Variants in SPTBN1 observed in about 807,000 individuals in gnomAD.
SPTBN1 encodes the protein spectrin beta, non-erythrocytic 1, also known as spectrin beta chain, non-erythrocytic 1.
Under a neutral mutation model 266.4 loss-of-function variants are expected in SPTBN1, and 32 were observed. The observed-to-expected ratio is 0.12, with a 90% CI of 0.09 to 0.16. The LOEUF (loss-of-function observed/expected upper bound fraction) is 0.16, where lower values mean the gene tolerates loss of function less well. Among genes scored for constraint, SPTBN1 ranks in the 10% least tolerant of loss-of-function variants. SPTBN1 has a pLI of 1.00. For missense variants in SPTBN1, 2,296 were observed against 3,067.1 expected (o/e 0.75, Z 5.94); for synonymous variants, 1,336 against 1,162.2 (o/e 1.15, Z -3.04).
chr2:54,612,037 T>G, intron 3 of SPTBN1, 124 bp from the exon 4 acceptor site: 6 of 965,636 alleles, frequency 6.2e-6, no homozygotes, highest in Non-Finnish European at 9.1e-6. Context: ...TACATGTGTT[T>G]GTTAATGTTC....
At chr2:54,575,277 A>G (rs1229267548) in intron 2 of SPTBN1, among the ~76,000 whole-genome samples, 1 of 152,236 alleles carries the variant, frequency 6.6e-6, no homozygotes, top group African/African-American at 2.4e-5. Context: ...GCTGAAAGAA[A>G]CCAGTCAGGT....
chr2:54,481,419 TG>T (rs770386892), intron 1 of SPTBN1, among the ~76,000 whole-genome samples: 104 of 133,096 alleles, frequency 7.8e-4, no homozygotes, highest in Middle Eastern at 3.9e-3. Flanking sequence ...TGTGTGTGTG[TG>T]TGTGTGTGTG....
intron 2 of SPTBN1, among the ~76,000 whole-genome samples, chr2:54,585,815 G>A (rs1176634170): frequency 1.3e-5 from 2 of 152,272 alleles, no homozygotes; most frequent in African/African-American, 2.4e-5. Flanking sequence ...AATGACAGGC[G>A]ACCTTTATGG....
At chr2:54,582,213 TC>T (rs1300838005) in intron 2 of SPTBN1, among the ~76,000 whole-genome samples, 1 of 152,088 alleles carries the variant, frequency 6.6e-6, no homozygotes, top group Non-Finnish European at 1.5e-5. Context: ...GCTTCCAGGG[TC>T]TAAGAAAGCA....
At chr2:54,663,906 CAATGTGTT>C (rs1681206358) in intron 32 of SPTBN1, 1 of 152,224 alleles carries the variant, frequency 6.6e-6, no homozygotes, top group Admixed American at 6.5e-5. Context: ...GTGTTTATGA[CAATGTGTT>C]GAGGGGAGGG....
intron 4 of SPTBN1, 99 bp from the exon 5 acceptor site, chr2:54,616,108 T>C: frequency 1.0e-6 from 1 of 958,248 alleles, no homozygotes. Context: ...AAGGCTATGA[T>C]CTACAGTTTA....
chr2:54,472,813 T>A (rs1438484009), intron 1 of SPTBN1, among the ~76,000 whole-genome samples: 2 of 152,184 alleles, frequency 1.3e-5, no homozygotes, highest in African/African-American at 4.8e-5. Flanking sequence ...GGAAGTAAAC[T>A]AAGAATTTCC....
At chr2:54,526,599 G>A (rs1670830393) in intron 2 of SPTBN1, 33 bp downstream of exon 2, 1 of 1,595,664 alleles carries the variant, frequency 6.3e-7, no homozygotes, top group Non-Finnish European at 8.5e-7. Flanking sequence ...AGAGGCCCAG[G>A]ATGCCTAAAA....
At position 54,649,990 on chromosome 2, in the gene SPTBN1, G is replaced by C; in HGVS notation, c.5577+1G>C. On this transcript the variant is annotated splice_donor_variant, in intron 26 of 35. Coordinates refer to ENST00000356805, the MANE Select transcript of SPTBN1 (RefSeq NM_003128.3). LOFTEE classifies it high-confidence loss of function. The surrounding 1 kb of genome is among the most constrained non-coding windows in gnomAD (Gnocchi z 6.7). ...TGACATCCAGGCTCTGGGCACACAG[G>C]TGGGTATGGCAGCCACCCAGGGGTG... 1 of 1,604,036 alleles carries C rather than the reference G, an allele frequency of 6.2e-7. No individual in the cohort carries two copies. The highest frequency in any genetic ancestry group is 8.5e-7 in the Non-Finnish European group (1 of 1,174,182).
In SPTBN1 at chr2:54,669,856, T is replaced by C. The variant is rs1164481746; in HGVS notation, c.*1287T>C. ...CAGCAAACAGTAATAAATGTGACTG[T>C]TTTGTAGTTATACATTCAGGCTTTA... On this transcript the variant is annotated 3_prime_UTR_variant, in exon 36 of 36. Transcript: ENST00000356805. The C allele has an allele frequency of 1.3e-5, 2 of 152,232 alleles. No homozygotes were observed. The highest frequency in any genetic ancestry group is 2.4e-5 in the African/African-American group (1 of 41,466). 9.4% of individuals were successfully genotyped at this position (152,232 alleles called of 1,614,324 possible).
At chr2:54,538,049 G>A (rs762764184) in intron 2 of SPTBN1, among the ~76,000 whole-genome samples, 1 of 152,170 alleles carries the variant, frequency 6.6e-6, no homozygotes, top group Non-Finnish European at 1.5e-5. Context: ...CACATTTTCA[G>A]ATAGACTGAT....
intron 2 of SPTBN1, among the ~76,000 whole-genome samples, chr2:54,582,153 T>C (rs1373351716): frequency 6.6e-6 from 1 of 152,260 alleles, no homozygotes; most frequent in East Asian, 1.9e-4. Context: ...TTCATCACTT[T>C]GCTCAAATAC....
Position 54,629,052 on chromosome 2 carries a change from C to T in SPTBN1, c.1918C>T (p.Leu640Phe), listed in dbSNP as rs777566639. The change falls in exon 14 of 36, where the codon CTC becomes TTC. Residue 640 changes from leucine (L) to phenylalanine (F), a missense_variant. Coordinates refer to ENST00000356805, the MANE Select transcript of SPTBN1 (RefSeq NM_003128.3). ...GGCCCGTCTGGAAGAGTCCCGCCGC[C>T]TCTGGAAGTTCTTCTGGGAGATGGC... ...RRARLEESRR[L>F]WKFFWEMAEE... 6.2e-7 allele frequency: 1 copy of T among 1,613,864 alleles called. No homozygotes were observed. The highest frequency in any genetic ancestry group is 8.5e-7 in the Non-Finnish European group (1 of 1,180,014).
chr2:54,647,964 G>A (rs1357503851), intron 24 of SPTBN1, among the ~76,000 whole-genome samples: 2 of 152,164 alleles, frequency 1.3e-5, no homozygotes, highest in African/African-American at 4.8e-5. Context: ...GTTTTAAGAG[G>A]AGCATTAGAC....
intron 2 of SPTBN1, among the ~76,000 whole-genome samples, chr2:54,564,875 A>T (rs1673563111): frequency 6.6e-6 from 1 of 152,146 alleles, no homozygotes; most frequent in East Asian, 1.9e-4. Context: ...GTATTTCGTG[A>T]AGTCTGGGAG....
chr2:54,597,438 C>T (rs1468048093), intron 2 of SPTBN1, among the ~76,000 whole-genome samples: 1 of 152,212 alleles, frequency 6.6e-6, no homozygotes, highest in African/African-American at 2.4e-5. Context: ...TTTCTGCTTC[C>T]TCTAATCCTG....
At chr2:54,544,069 T>C (rs1428492162) in intron 2 of SPTBN1, among the ~76,000 whole-genome samples, 3 of 152,344 alleles carry the variant, frequency 2.0e-5, no homozygotes, top group South Asian at 2.1e-4. Context: ...ATCACTTTCA[T>C]CTTGGAGAAC....
At position 54,511,386 on chromosome 2, in the gene SPTBN1, C is replaced by T. The variant is rs1398510620; in HGVS notation, c.-47-14986C>T. Among the ~76,000 whole-genome samples the T allele has an allele frequency of 2.0e-5, 3 of 151,810 alleles. No homozygotes were observed. The East Asian group carries it at 5.8e-4, about 29-fold the overall frequency. ...ATATTTTGTTTTTAAAAATTTTTTT[C>T]TTCGGATTGATCAGGTTTAAACAAA... is the stretch of plus-strand genomic sequence containing the variant. On this transcript the variant is annotated intron_variant, in intron 1 of 35. Transcript: ENST00000356805.
chr2:54,652,228 G>C (rs890869651), intron 26 of SPTBN1, among the ~76,000 whole-genome samples: 2 of 152,314 alleles, frequency 1.3e-5, no homozygotes, highest in South Asian at 2.1e-4. Flanking sequence ...AGGCATGTAA[G>C]AGGAGAAAAT....
Sources: allele counts gnomAD v4.1 joint callset (sites outside exome capture counted in the v4.1 genomes callset), GRCh38; gene constraint gnomAD v4.1.1; non-coding constraint Gnocchi (gnomAD v3.1); transcripts MANE v1.5; gene names NCBI Gene and HGNC (gene_info 2026-07-23, HGNC 2026-07-21).